ABL2: variants seen among roughly 807,000 people sequenced by gnomAD.
ABL2 encodes the protein ABL proto-oncogene 2, non-receptor tyrosine kinase, also known as tyrosine-protein kinase ABL2.
In ABL2, 49 loss-of-function variants were observed where a neutral mutation model predicts 107.7. The ratio of observed to expected loss-of-function variants is 0.45; its 90% CI spans 0.36 to 0.58. The LOEUF is 0.58. ABL2 is among the 20% of genes least tolerant of loss of function. ABL2 has a pLI of 0.00. For missense variants in ABL2, 1,245 were observed against 1,457.0 expected (o/e 0.85, Z 2.37); for synonymous variants, 549 against 548.6 (o/e 1.00, Z -0.01).
intron 10 of ABL2, 48 bp from the exon 11 acceptor site, chr1:179,110,503 A>G (rs1204343260): frequency 3.2e-6 from 5 of 1,562,628 alleles, no homozygotes; most frequent in Middle Eastern, 2.1e-4. Context: ...TTCATAGCAG[A>G]AAAAGGGAGT....
chr1:179,151,880 T>A (rs1658382389), intron 1 of ABL2, among the ~76,000 whole-genome samples: 1 of 152,212 alleles, frequency 6.6e-6, no homozygotes, highest in Admixed American at 6.5e-5. Flanking sequence ...AAATGCATGC[T>A]CTATACCTAT....
chr1:179,108,796 T>C lies in ABL2; in HGVS notation c.2471A>G (p.Glu824Gly), dbSNP rs1356255618. The C allele has an allele frequency of 6.2e-7, 1 of 1,614,190 alleles. No homozygotes were observed. ...RTVSTSSQPE[E>G]NVDRANDMLP... ...CATGTCATTGGCCCTGTCCACATTC[T>C]CTTCTGGCTGAGAAGAGGTGGACAC... The change falls in exon 12 of 12, where the codon GAG becomes GGG. Residue 824 changes from glutamate (E) to glycine (G), a missense_variant. Glu to Gly is a moderately conservative substitution (Grantham distance 98). Transcript: ENST00000502732.
At chr1:179,179,844 T>C (rs1236295920) in intron 1 of ABL2, among the ~76,000 whole-genome samples, 2 of 151,738 alleles carry the variant, frequency 1.3e-5, no homozygotes, top group East Asian at 1.9e-4. Flanking sequence ...CTCATGCTTG[T>C]AATCCCAGGA....
intron 1 of ABL2, among the ~76,000 whole-genome samples, chr1:179,226,547 T>C (rs1233455297): frequency 1.3e-5 from 2 of 152,086 alleles, no homozygotes; most frequent in African/African-American, 4.8e-5. Flanking sequence ...GACCTCATGA[T>C]CTGCCCACCT....
intron 1 of ABL2, among the ~76,000 whole-genome samples, chr1:179,165,543 C>T (rs1049520589): frequency 3.3e-5 from 5 of 152,022 alleles, no homozygotes; most frequent in African/African-American, 9.7e-5. Flanking sequence ...TAAGCAAGGA[C>T]CAGATCTTAG....
chr1:179,200,069 C>T (rs1661577555), intron 1 of ABL2, among the ~76,000 whole-genome samples: 2 of 106,084 alleles, frequency 1.9e-5, no homozygotes, highest in Non-Finnish European at 3.6e-5. Flanking sequence ...TTTTTTAAGA[C>T]GGAGTCTCCC....
chr1:179,127,218 A>C (rs960812757), intron 3 of ABL2, among the ~76,000 whole-genome samples: 1 of 152,218 alleles, frequency 6.6e-6, no homozygotes, highest in African/African-American at 2.4e-5. Context: ...ACAAAAAAAA[A>C]CACGGACCAC....
Position 179,114,905 on chromosome 1 carries a change from G to T in ABL2, c.1534C>A (p.Pro512Thr), listed in dbSNP as rs1473683643. 2 of 1,609,164 alleles carry T rather than the reference G, an allele frequency of 1.2e-6. No individual in the cohort carries two copies. Among genetic ancestry groups the T allele is most frequent in the Admixed American group, 1.7e-5 (1 of 59,100 alleles). Reference protein sequence around the residue: ...YRMEQPEGCPPKVYELMRACW... With the variant: ...YRMEQPEGCPTKVYELMRACW... Reference sequence around the variant, plus strand: ...GCTCTCATAAGTTCATAAACCTTAGGGGGGCATCCCTCAGGCTGTTCCATT... The same window carrying T: ...GCTCTCATAAGTTCATAAACCTTAGTGGGGCATCCCTCAGGCTGTTCCATT... The change falls in exon 9 of 12, where the codon CCT becomes ACT. Residue 512 changes from proline (P) to threonine (T), a missense_variant. Physicochemically the swap from Pro to Thr is conservative, Grantham distance 38 (BLOSUM62 -1). Transcript: ENST00000502732.
rs1653001278 is a variant in ABL2, at chr1:179,100,344, G to A, written c.*7374C>T. On this transcript the variant is annotated 3_prime_UTR_variant, in exon 12 of 12. Coordinates refer to ENST00000502732, the MANE Select transcript of ABL2 (RefSeq NM_007314.4). ...ACCTGGTATGGTACTTCTGAACTGTGCAGAACAGTATCTGAGGTTTACTGT... is the reference window on the plus strand; with the variant it reads ...ACCTGGTATGGTACTTCTGAACTGTACAGAACAGTATCTGAGGTTTACTGT... 1 of 227,830 alleles carries A rather than the reference G, an allele frequency of 4.4e-6. No homozygotes were observed. The highest frequency in any genetic ancestry group is 2.2e-5 in the African/African-American group (1 of 45,030). 14.1% of individuals were successfully genotyped at this position (227,830 alleles called of 1,614,324 possible). A position where few individuals can be genotyped will look rare whatever the true frequency, so the allele number is the denominator to read the frequency against.
intron 8 of ABL2, among the ~76,000 whole-genome samples, chr1:179,115,606 A>T (rs1654542840): frequency 1.3e-5 from 2 of 151,804 alleles, no homozygotes; most frequent in African/African-American, 4.8e-5. Context: ...CACTGAGAAG[A>T]CCTCTCGGTT....
At chr1:179,153,255 G>A (rs563521726) in intron 1 of ABL2, among the ~76,000 whole-genome samples, 7 of 152,162 alleles carry the variant, frequency 4.6e-5, no homozygotes, top group African/African-American at 1.7e-4. Flanking sequence ...CCTAGGTGAA[G>A]TCATTCACAT....
chr1:179,227,359 T>A (rs970541356), intron 1 of ABL2, among the ~76,000 whole-genome samples: 1 of 152,214 alleles, frequency 6.6e-6, no homozygotes, highest in African/African-American at 2.4e-5. Flanking sequence ...TGATGCTTCA[T>A]TCCTGACAGC....
At chr1:179,180,604 G>C (rs929411640) in intron 1 of ABL2, among the ~76,000 whole-genome samples, 1 of 152,140 alleles carries the variant, frequency 6.6e-6, no homozygotes, top group South Asian at 2.1e-4. Flanking sequence ...GAGAGTTCCC[G>C]TGGCCAAGGT....
At chr1:179,222,393 C>G (rs1379514718) in intron 1 of ABL2, among the ~76,000 whole-genome samples, 1 of 151,610 alleles carries the variant, frequency 6.6e-6, no homozygotes, top group Admixed American at 6.6e-5. Context: ...CCATGCCTGG[C>G]TAATTTTTTT....
At chr1:179,199,054 C>A (rs1475007345) in intron 1 of ABL2, among the ~76,000 whole-genome samples, 1 of 151,864 alleles carries the variant, frequency 6.6e-6, no homozygotes, top group Non-Finnish European at 1.5e-5. Flanking sequence ...TGTTGGCCAG[C>A]CTGGTCTCGA....
intron 1 of ABL2, among the ~76,000 whole-genome samples, chr1:179,142,619 A>G (rs950976192): frequency 1.3e-5 from 2 of 152,234 alleles, no homozygotes; most frequent in Admixed American, 1.3e-4. Flanking sequence ...TAAGAAGCTA[A>G]TAAGTTTTAA....
chr1:179,124,685 C>T (rs1655577219), intron 4 of ABL2, among the ~76,000 whole-genome samples: 1 of 151,868 alleles, frequency 6.6e-6, no homozygotes, highest in African/African-American at 2.4e-5. Context: ...GTGGGGCTGA[C>T]ATCCTGACCT....
At chr1:179,139,732 G>A (rs1657395595) in intron 1 of ABL2, among the ~76,000 whole-genome samples, 1 of 152,158 alleles carries the variant, frequency 6.6e-6, no homozygotes, top group Admixed American at 6.5e-5. Flanking sequence ...TGAGCAGCGG[G>A]CCAGCGAGCA....
At position 179,105,631 on chromosome 1, in the gene ABL2, C is replaced by T. The variant is rs1430727715; in HGVS notation, c.*2087G>A. 3 of 227,982 alleles carry T rather than the reference C, an allele frequency of 1.3e-5. No individual in the cohort carries two copies. Among genetic ancestry groups the T allele is most frequent in the African/African-American group, 6.7e-5 (3 of 45,046 alleles). The allele number at this position is 227,982 out of a possible 1,614,324, so 14.1% of individuals were successfully genotyped here. A position where few individuals can be genotyped will look rare whatever the true frequency, so the allele number is the denominator to read the frequency against. ...TGCAGGTGACATACTGCGGGGATCA[C>T]CCAACACCTGCCAGGAATGCCCAGC... On this transcript the variant is annotated 3_prime_UTR_variant, in exon 12 of 12. Transcript: ENST00000502732.
Sources: gnomAD v4.1 joint callset for allele counts (sites outside exome capture counted in the v4.1 genomes callset) on GRCh38, gnomAD v4.1.1 for gene constraint, MANE v1.5 for transcripts, NCBI Gene and HGNC (gene_info 2026-07-23, HGNC 2026-07-21) for gene names.